The following RIT2 variants were observed in gnomAD, a reference collection of about 807,000 sequenced individuals.
RIT2 encodes GTP-binding protein Rit2.
RIT2 carries 24 observed loss-of-function variants against 23.7 expected under a neutral mutation model. The ratio of observed to expected loss-of-function variants is 1.01; its 90% CI spans 0.73 to 1.43. The LOEUF (loss-of-function observed/expected upper bound fraction) is 1.43, where lower values mean the gene tolerates loss of function less well. RIT2 is among the 40% of genes most tolerant of loss of function. The pLI, the probability that RIT2 is intolerant of heterozygous loss-of-function variation, is 0.00. For synonymous variants in RIT2, 107 were observed against 91.1 expected (o/e 1.17, Z -0.99); for missense variants, 236 against 266.9 (o/e 0.88, Z 0.81).
chr18:43,106,463 A>G (rs1913824781), intron 1 of RIT2, among the ~76,000 whole-genome samples: 2 of 152,212 alleles, frequency 1.3e-5, no homozygotes, highest in African/African-American at 4.8e-5. Context: ...CAACTTCTCT[A>G]ACTATAATTG....
chr18:43,109,210 G>A (rs1237382191), intron 1 of RIT2, among the ~76,000 whole-genome samples: 1 of 152,162 alleles, frequency 6.6e-6, no homozygotes, highest in Non-Finnish European at 1.5e-5. Context: ...AACTGCACAT[G>A]GCCGTGGGAG....
intron 1 of RIT2, among the ~76,000 whole-genome samples, chr18:43,066,249 C>T (rs1190243658): frequency 1.6e-4 from 24 of 152,026 alleles, no homozygotes; most frequent in Admixed American, 1.6e-3. Context: ...TACAAAGTGC[C>T]CATCCAGAAT....
chr18:42,873,496 A>T (rs996680917), intron 4 of RIT2, among the ~76,000 whole-genome samples: 2 of 152,120 alleles, frequency 1.3e-5, no homozygotes, highest in African/African-American at 2.4e-5. Flanking sequence ...CACATCTAGG[A>T]ACATTTTTTT....
At chr18:43,063,536 C>T (rs530168991) in intron 1 of RIT2, among the ~76,000 whole-genome samples, 174 of 152,116 alleles carry the variant, frequency 1.1e-3, no homozygotes, top group Middle Eastern at 3.4e-3. Context: ...ATTAATTTTA[C>T]GTTTATTGGA....
chr18:43,032,216 C>G (rs1236000980), intron 2 of RIT2, among the ~76,000 whole-genome samples: 1 of 151,926 alleles, frequency 6.6e-6, no homozygotes, highest in Non-Finnish European at 1.5e-5. Context: ...ATAGATGTGT[C>G]TCATGGATAA....
At chr18:42,933,911 G>A (rs1486160716) in intron 3 of RIT2, among the ~76,000 whole-genome samples, 12 of 151,492 alleles carry the variant, frequency 7.9e-5, no homozygotes, top group East Asian at 5.8e-4. Flanking sequence ...CCAGCTACTC[G>A]GGAGGCTGAA....
intron 1 of RIT2, among the ~76,000 whole-genome samples, chr18:43,082,251 A>T (rs1408482416): frequency 6.6e-6 from 1 of 152,012 alleles, no homozygotes; most frequent in Non-Finnish European, 1.5e-5. Flanking sequence ...CCCATTTATC[A>T]TTTTTTTATT....
At chr18:42,937,978 T>C (rs1390486332) in intron 3 of RIT2, among the ~76,000 whole-genome samples, 1 of 152,040 alleles carries the variant, frequency 6.6e-6, no homozygotes, top group African/African-American at 2.4e-5. Flanking sequence ...CCAGTGGCTG[T>C]GGGGGATTAC....
intron 2 of RIT2, among the ~76,000 whole-genome samples, chr18:42,992,433 T>G (rs1196985355): frequency 2.6e-5 from 4 of 152,038 alleles, no homozygotes; most frequent in Non-Finnish European, 5.9e-5. Context: ...CCAATGCAAC[T>G]CGTCCCAAAT....
intron 2 of RIT2, among the ~76,000 whole-genome samples, chr18:42,993,760 C>A (rs1189520168): frequency 2.0e-5 from 3 of 152,178 alleles, no homozygotes; most frequent in Admixed American, 6.5e-5. Flanking sequence ...TATCTCCCCA[C>A]CTTAGCCCAC....
chr18:42,870,287 A>G (rs553995541), intron 4 of RIT2, among the ~76,000 whole-genome samples: 5 of 152,110 alleles, frequency 3.3e-5, no homozygotes, highest in Admixed American at 6.6e-5. Flanking sequence ...TTTGAGACGC[A>G]GTCAGTACAG....
intron 4 of RIT2, among the ~76,000 whole-genome samples, chr18:42,841,731 T>G (rs2144024617): frequency 6.6e-6 from 1 of 152,354 alleles, no homozygotes; most frequent in African/African-American, 2.4e-5. Flanking sequence ...TTGTGGATGT[T>G]AATGTTTACT....
chr18:43,094,600 T>G (rs898288639), intron 1 of RIT2, among the ~76,000 whole-genome samples: 11 of 151,996 alleles, frequency 7.2e-5, no homozygotes, highest in African/African-American at 2.4e-4. Context: ...TAGAAAGACT[T>G]CAAAATTAAT....
intron 4 of RIT2, among the ~76,000 whole-genome samples, chr18:42,847,648 G>C (rs1238059992): frequency 6.6e-6 from 1 of 151,884 alleles, no homozygotes; most frequent in African/African-American, 2.4e-5. Context: ...TTATTAAAGA[G>C]ATTTAAGTCT....
At chr18:42,886,285 C>G (rs1482516544) in intron 4 of RIT2, among the ~76,000 whole-genome samples, 1 of 152,128 alleles carries the variant, frequency 6.6e-6, no homozygotes, top group Non-Finnish European at 1.5e-5. Context: ...AAACAGAACT[C>G]CGAAATTCTA....
chr18:43,066,801 T>C (rs765912424), intron 1 of RIT2, among the ~76,000 whole-genome samples: 1 of 147,462 alleles, frequency 6.8e-6, no homozygotes, highest in Non-Finnish European at 1.5e-5. Context: ...CAATTAGAAA[T>C]GAGGTGGAGC....
At chr18:42,748,754 G>T (rs1199941831) in intron 4 of RIT2, among the ~76,000 whole-genome samples, 1 of 151,908 alleles carries the variant, frequency 6.6e-6, no homozygotes, top group Non-Finnish European at 1.5e-5. Flanking sequence ...TGGATTTTGG[G>T]GACTCAGGGG....
intron 4 of RIT2, among the ~76,000 whole-genome samples, chr18:42,770,080 C>G (rs1431398795): frequency 6.6e-6 from 1 of 151,906 alleles, no homozygotes; most frequent in Non-Finnish European, 1.5e-5. Context: ...GCTGTCCACC[C>G]AGAGACTGCT....
chr18:42,989,497 C>T (rs1018688468), intron 2 of RIT2, among the ~76,000 whole-genome samples: 3 of 151,964 alleles, frequency 2.0e-5, no homozygotes, highest in African/African-American at 7.3e-5. Flanking sequence ...TCAATTTATC[C>T]AAAATGTCAT....
Sources: allele counts gnomAD v4.1 joint callset (sites outside exome capture counted in the v4.1 genomes callset), GRCh38; gene constraint gnomAD v4.1.1; transcripts MANE v1.5; gene names NCBI Gene and HGNC (gene_info 2026-07-23, HGNC 2026-07-21).